NPC1: variants seen among roughly 807,000 people sequenced by gnomAD.
NPC1 encodes the protein NPC intracellular cholesterol transporter 1, also known as Niemann-Pick C1 protein.
In NPC1, 85 loss-of-function variants were observed where a neutral mutation model predicts 140.4. The ratio of observed to expected loss-of-function variants is 0.61; its 90% confidence interval spans 0.51 to 0.72. NPC1 has a LOEUF of 0.72. NPC1 is among the 30% of genes least tolerant of loss of function. NPC1 has a pLI of 0.00. For missense variants in NPC1, 1,504 were observed against 1,623.8 expected (o/e 0.93, Z 1.27); for synonymous variants, 656 against 624.8 (o/e 1.05, Z -0.74).
intron 1 of NPC1, among the ~76,000 whole-genome samples, chr18:23,575,401 C>G (rs1304266864): frequency 1.3e-5 from 2 of 152,136 alleles, no homozygotes; most frequent in African/African-American, 4.8e-5. Flanking sequence ...ATCCCAAGAG[C>G]TCCTGAGGCT....
chr18:23,529,619 A>G, downstream of NPC1: 8 of 1,611,014 alleles, frequency 5.0e-6, no homozygotes, highest in Non-Finnish European at 6.8e-6. Context: ...GTAAGACCAC[A>G]TTTTTTTCTC....
intron 10 of NPC1, among the ~76,000 whole-genome samples, chr18:23,548,419 T>G (rs2145418945): frequency 6.6e-6 from 1 of 151,610 alleles, no homozygotes; most frequent in East Asian, 1.9e-4. Flanking sequence ...TATCGAAAAT[T>G]CTCTCCTTCT....
intron 3 of NPC1, chr18:23,508,163 T>C: frequency 1.2e-6 from 1 of 840,768 alleles, no homozygotes; most frequent in Non-Finnish European, 1.7e-6. Context: ...TCCCTCATGT[T>C]GATTCCCAAA....
chr18:23,577,091 G>A (rs942995955), intron 1 of NPC1: 6 of 148,948 alleles, frequency 4.0e-5, no homozygotes, highest in African/African-American at 1.0e-4. Flanking sequence ...GGTTCTCCAC[G>A]TCCCCATCAG....
chr18:23,548,794 T>TG (rs1303727819), intron 10 of NPC1, among the ~76,000 whole-genome samples: 1 of 152,022 alleles, frequency 6.6e-6, no homozygotes, highest in Non-Finnish European at 1.5e-5. Context: ...TTTTTTGGGG[T>TG]GGGGGCCTGA....
At chr18:23,555,030 T>G in intron 8 of NPC1, 46 bp from the exon 9 acceptor site, 1 of 1,220,288 alleles carries the variant, frequency 8.2e-7, no homozygotes, top group Non-Finnish European at 1.2e-6. Context: ...ACACGTCACA[T>G]TTCTCTCAGA....
At position 23,544,943 on chromosome 18, in the gene NPC1, A is replaced by AACCCCCCCCC. The variant is rs2058763448; in HGVS notation, c.1947+16_1947+17insGGGGGGGGGT. 1.4e-4 allele frequency: 149 copies of AACCCCCCCCC among 1,041,810 alleles called. 1 individual carries two copies. Among genetic ancestry groups the AACCCCCCCCC allele is most frequent in the South Asian group, 4.3e-4 (32 of 74,662 alleles). 64.5% of individuals were successfully genotyped at this position (1,041,810 alleles called of 1,614,324 possible). A position where few individuals can be genotyped will look rare whatever the true frequency, so the allele number is the denominator to read the frequency against. On this transcript the variant is annotated intron_variant, in intron 12 of 24. Coordinates refer to ENST00000269228, the MANE Select transcript of NPC1 (RefSeq NM_000271.5). ...GCTGTTAACCTCTAGAACATACACC[A>AACCCCCCCCC]CCCCCCCCCGGCTTACCAGAAGCCT...
At chr18:23,529,230 C>T (rs747991509), downstream of NPC1, 100 of 1,613,846 alleles carry the variant, frequency 6.2e-5, 1 homozygote, top group Middle Eastern at 6.6e-4. Context: ...GAGGCCGGTG[C>T]GGACCCAGGC....
chr18:23,560,319 A>G lies in NPC1; in HGVS notation c.793T>C (p.Leu265=). 1 of 1,614,202 alleles carries G rather than the reference A, an allele frequency of 6.2e-7. No individual in the cohort carries two copies. The highest frequency in any genetic ancestry group is 8.5e-7 in the Non-Finnish European group (1 of 1,180,044). The change falls in exon 6 of 25, where the codon TTG becomes CTG. Residue 265 remains leucine (L), a synonymous_variant. Transcript: ENST00000269228. ...PPPAPWTILG[L]DAMYVIMWIT... is the part of the protein sequence containing the mutation. ...CACATGATGACATACATGGCGTCCA[A>G]GCCAAGGATCGTCCAGGGAGCAGGA...
Position 23,532,005 on chromosome 18 carries a change from C to G in NPC1, c.*197G>C. 6.7e-7 allele frequency: 1 copy of G among 1,486,184 alleles called. No individual in the cohort carries two copies. Among genetic ancestry groups the G allele is most frequent in the Non-Finnish European group, 8.9e-7 (1 of 1,122,838 alleles). 92.1% of individuals were successfully genotyped at this position (1,486,184 alleles called of 1,614,324 possible). The stretch of plus-strand genomic sequence containing the variant: ...GGAGAAGTTTAGTGTCCTGTGGTTG[C>G]CTCCAGATCTAGTAATACTGCTTCC... On this transcript the variant is annotated 3_prime_UTR_variant, in exon 25 of 25. Transcript: ENST00000269228.
intron 9 of NPC1, among the ~76,000 whole-genome samples, chr18:23,553,888 G>A (rs2058911049): frequency 6.6e-6 from 1 of 152,190 alleles, no homozygotes; most frequent in Admixed American, 6.5e-5. Context: ...GACCTATACT[G>A]CCTCAACTCC....
chr18:23,524,520 T>C (rs2145243808), downstream of NPC1: 1 of 1,605,128 alleles, frequency 6.2e-7, no homozygotes, highest in East Asian at 2.2e-5. Context: ...TACAACATGG[T>C]GCTTGTTGAC....
intron 14 of NPC1, among the ~76,000 whole-genome samples, chr18:23,543,093 C>G (rs1195609492): frequency 6.6e-6 from 1 of 151,998 alleles, no homozygotes; most frequent in African/African-American, 2.4e-5. Flanking sequence ...TTTGGGAGGC[C>G]GAGGCAGGTA....
intron 3 of NPC1, chr18:23,516,517 A>AC (rs2058009529): frequency 2.4e-6 from 3 of 1,265,618 alleles, no homozygotes; most frequent in Non-Finnish European, 3.4e-6. Flanking sequence ...TGATGCCCTG[A>AC]CCCCTAGAAC....
rs570382864 is a variant in NPC1 at position 23,538,780 on chromosome 18, A to G, written c.2912-109T>C. Reference sequence around the variant, plus strand: ...GGCATTACTTTCTTCTCTATCGATTACTTTCCTTACTAGTGAGGGATAATC... The same window carrying G: ...GGCATTACTTTCTTCTCTATCGATTGCTTTCCTTACTAGTGAGGGATAATC... On this transcript the variant is annotated intron_variant, in intron 19 of 24. Transcript: ENST00000269228. 2.2e-4 allele frequency: 248 copies of G among 1,153,386 alleles called. 1 individual carries two copies. The South Asian group carries it at 2.8e-3, about 13-fold the overall frequency. The allele number at this position is 1,153,386 out of a possible 1,614,324, so 71.4% of individuals were successfully genotyped here.
intron 18 of NPC1, 23 bp from the exon 19 acceptor site, chr18:23,539,493 C>G (rs764305135): frequency 6.6e-7 from 1 of 1,508,950 alleles, no homozygotes; most frequent in East Asian, 2.3e-5. Context: ...GACAGGGTTA[C>G]TGACCTGCTC....
At chr18:23,533,558 C>G in intron 23 of NPC1, 41 bp from the exon 24 acceptor site, 1 of 1,587,650 alleles carries the variant, frequency 6.3e-7, no homozygotes, top group Non-Finnish European at 8.6e-7. Context: ...CTTTTACCAA[C>G]CTGTAATTGA....
downstream of NPC1, among the ~76,000 whole-genome samples, chr18:23,531,178 A>G (rs184214053): frequency 6.6e-6 from 1 of 151,850 alleles, no homozygotes; most frequent in African/African-American, 2.4e-5. Context: ...TTTAGTAGAG[A>G]TGGGGTTTTA....
exon 4 of NPC1, chr18:23,506,520 CA>C (rs1402931096): frequency 6.0e-6 from 1 of 165,820 alleles, no homozygotes; most frequent in Non-Finnish European, 1.3e-5. Flanking sequence ...CCGCTGTGCC[CA>C]GCTGAGTTCA....
Sources: allele counts gnomAD v4.1 joint callset (sites outside exome capture counted in the v4.1 genomes callset), GRCh38; gene constraint gnomAD v4.1.1; transcripts MANE v1.5; gene names NCBI Gene and HGNC (gene_info 2026-07-23, HGNC 2026-07-21).